Variants in MYO10 observed in about 807,000 individuals in gnomAD.
MYO10 encodes unconventional myosin-X.
Under a neutral mutation model 257.3 loss-of-function variants are expected in MYO10, and 133 were observed. That is an observed-to-expected ratio of 0.52 (90% CI 0.45 to 0.60). MYO10 has a LOEUF of 0.60. MYO10 is among the 20% of genes least tolerant of loss of function. MYO10 has a pLI of 0.00. For synonymous variants in MYO10, 1,104 were observed against 1,028.6 expected, an observed-to-expected ratio of 1.07 and a Z score of -1.40; for missense variants, 2,399 against 2,635.7, an observed-to-expected ratio of 0.91 and a Z score of 1.97.
chr5:16,897,848 G>A (rs552318626), intron 1 of MYO10, among the ~76,000 whole-genome samples: 8 of 152,190 alleles, frequency 5.3e-5, no homozygotes, highest in Non-Finnish European at 1.0e-4. Context: ...AGTAGCAACA[G>A]CAAACAATGC....
At chr5:16,774,611 C>T (rs1254999902) in intron 9 of MYO10, among the ~76,000 whole-genome samples, 3 of 151,796 alleles carry the variant, frequency 2.0e-5, no homozygotes, top group East Asian at 3.9e-4. Flanking sequence ...TTAGTAGAGA[C>T]GGGGTTTCAC....
At chr5:16,801,769 T>G (rs1161477279) in intron 3 of MYO10, among the ~76,000 whole-genome samples, 1 of 149,954 alleles carries the variant, frequency 6.7e-6, no homozygotes, top group East Asian at 1.9e-4. Flanking sequence ...TCCAAGCACT[T>G]TCTTATTCTT....
At chr5:16,676,512 C>G (rs917784695) in intron 33 of MYO10, among the ~76,000 whole-genome samples, 1 of 152,136 alleles carries the variant, frequency 6.6e-6, no homozygotes, top group Non-Finnish European at 1.5e-5. Flanking sequence ...GTCAGCAGTT[C>G]GAGACCAGCC....
intron 17 of MYO10, among the ~76,000 whole-genome samples, chr5:16,760,514 T>C (rs1010654231): frequency 2.0e-5 from 3 of 151,896 alleles, no homozygotes; most frequent in Non-Finnish European, 4.4e-5. Context: ...CCTGGTCTAA[T>C]ACATACAAAT....
At chr5:16,718,049 G>A (rs506744) in intron 19 of MYO10, among the ~76,000 whole-genome samples, 119,366 of 151,838 alleles carry the variant, frequency 0.79, 47,340 homozygotes, top group Non-Finnish European at 0.83. Context: ...ACTCGGAGCA[G>A]CCAGCCAGCC....
chr5:16,856,498 C>T (rs1191512424), intron 2 of MYO10, among the ~76,000 whole-genome samples: 3 of 151,396 alleles, frequency 2.0e-5, no homozygotes, highest in East Asian at 3.9e-4. Flanking sequence ...TGCAGTGAGC[C>T]GAGATCGCAC....
chr5:16,762,040 G>A lies in MYO10; in HGVS notation c.1656+5C>T. 7.6e-7 allele frequency: 1 copy of A among 1,315,678 alleles called. No individual in the cohort carries two copies. The highest frequency in any genetic ancestry group is 9.9e-7 in the Non-Finnish European group (1 of 1,014,240). 81.5% of individuals were successfully genotyped at this position (1,315,678 alleles called of 1,614,324 possible). A position where few individuals can be genotyped will look rare whatever the true frequency, so the allele number is the denominator to read the frequency against. On this transcript the variant is annotated splice_donor_5th_base_variant and intron_variant, in intron 16 of 40. Transcript: ENST00000513610. ...ATATCAATAGGTATCTTAATAAAAA[G>A]TTACCTCTCCAGCATAGTGCTTCAC...
chr5:16,887,922 A>T (rs1744938204), intron 1 of MYO10, among the ~76,000 whole-genome samples: 1 of 152,236 alleles, frequency 6.6e-6, no homozygotes, highest in Admixed American at 6.5e-5. Context: ...AAAAGAAATG[A>T]GACATCTCCA....
chr5:16,680,784 C>G (rs1431628586), intron 32 of MYO10, among the ~76,000 whole-genome samples: 1 of 152,184 alleles, frequency 6.6e-6, no homozygotes, highest in Non-Finnish European at 1.5e-5. Context: ...GCTCATCGTA[C>G]AATGATGGAA....
intron 2 of MYO10, among the ~76,000 whole-genome samples, chr5:16,871,453 A>G (rs368750291): frequency 6.6e-6 from 1 of 152,100 alleles, no homozygotes; most frequent in East Asian, 1.9e-4. Context: ...CATCTCTACA[A>G]AAAATGAGTC....
At chr5:16,933,050 C>A (rs1746332804) in intron 1 of MYO10, among the ~76,000 whole-genome samples, 1 of 152,214 alleles carries the variant, frequency 6.6e-6, no homozygotes, top group Admixed American at 6.5e-5. Flanking sequence ...TGAGCCACCG[C>A]ACCCGGCCAA....
At chr5:16,733,289 A>C (rs1739659933) in intron 19 of MYO10, among the ~76,000 whole-genome samples, 1 of 152,160 alleles carries the variant, frequency 6.6e-6, no homozygotes, top group Non-Finnish European at 1.5e-5. Flanking sequence ...GGGCTTGAGA[A>C]ATCACCCCAC....
intron 19 of MYO10, among the ~76,000 whole-genome samples, chr5:16,744,657 C>G (rs1037103786): frequency 2.0e-5 from 3 of 151,996 alleles, no homozygotes; most frequent in African/African-American, 7.3e-5. Flanking sequence ...GGAGCGGTGG[C>G]TGGGGCTGGG....
At chr5:16,772,624 T>C (rs1741088857) in intron 9 of MYO10, among the ~76,000 whole-genome samples, 1 of 152,234 alleles carries the variant, frequency 6.6e-6, no homozygotes, top group African/African-American at 2.4e-5. Context: ...GAGTTAACAG[T>C]GCTGGCAAGC....
intron 1 of MYO10, among the ~76,000 whole-genome samples, chr5:16,880,160 A>C (rs1744716528): frequency 6.7e-6 from 1 of 149,998 alleles, no homozygotes. Flanking sequence ...AGCCTGGGTG[A>C]CAGAGTAAAC....
At position 16,681,405 on chromosome 5, in the gene MYO10, T is replaced by G; in HGVS notation, c.4288A>C (p.Lys1430Gln). ...TTGAGCGCGTTCTTCTCTGAACTCT[T>G]GTAGTAATCCAGGGAATTGTGGGTG... is the stretch of plus-strand genomic sequence containing the variant. ...VLTHNSLDYY[K>Q]SSEKNALKLG... is the part of the protein sequence containing the mutation. Residue 1430 changes from lysine (K) to glutamine (Q), a missense_variant, in exon 32 of 41, where the codon AAG (lysine) becomes CAG (glutamine). By Grantham distance (53) the Lys-to-Gln change is moderately conservative. Transcript: ENST00000513610. 1 of 1,614,008 alleles carries G rather than the reference T, an allele frequency of 6.2e-7. No individual in the cohort carries two copies. Among genetic ancestry groups the G allele is most frequent in the Non-Finnish European group, 8.5e-7 (1 of 1,179,890 alleles).
At chr5:16,697,999 A>G (rs535879138) in intron 26 of MYO10, among the ~76,000 whole-genome samples, 1 of 152,328 alleles carries the variant, frequency 6.6e-6, no homozygotes, top group South Asian at 2.1e-4. Flanking sequence ...ATGGTTTCTT[A>G]TTATCCCTGT....
intron 1 of MYO10, among the ~76,000 whole-genome samples, chr5:16,893,865 C>T (rs753000961): frequency 1.2e-4 from 19 of 152,064 alleles, no homozygotes; most frequent in Admixed American, 2.0e-4. Flanking sequence ...GGGGACTCTT[C>T]TCCGAGGACA....
intron 40 of MYO10, among the ~76,000 whole-genome samples, chr5:16,667,422 G>C (rs755767444): frequency 1.2e-4 from 18 of 152,062 alleles, no homozygotes; most frequent in Non-Finnish European, 2.4e-4. Flanking sequence ...CCATATCCCT[G>C]TTTGCTCTCT....
Sources: allele counts gnomAD v4.1 joint callset (sites outside exome capture counted in the v4.1 genomes callset), GRCh38; gene constraint gnomAD v4.1.1; transcripts MANE v1.5; gene names NCBI Gene and HGNC (gene_info 2026-07-23, HGNC 2026-07-21).